The following ZMAT4 variants were observed in gnomAD, a reference collection of about 807,000 sequenced individuals.
ZMAT4 encodes the protein zinc finger matrin-type 4.
In ZMAT4, 17 loss-of-function variants were observed where a neutral mutation model predicts 28.7. The ratio of observed to expected loss-of-function variants is 0.59; its 90% CI spans 0.41 to 0.89. The LOEUF (loss-of-function observed/expected upper bound fraction) is 0.89, where lower values mean the gene tolerates loss of function less well. Ranked by LOEUF, ZMAT4 falls within the 40% of genes least tolerant of loss-of-function variation. The pLI is 0.00. For synonymous variants in ZMAT4, 117 were observed against 109.2 expected (o/e 1.07, Z -0.44); for missense variants, 240 against 283.8 (o/e 0.85, Z 1.11).
chr8:40,690,366 T>C (rs1055714920), intron 4 of ZMAT4, among the ~76,000 whole-genome samples: 3 of 152,184 alleles, frequency 2.0e-5, no homozygotes, highest in African/African-American at 7.2e-5. Context: ...CTTCCAGCTC[T>C]GCAAATCTGT....
chr8:40,652,633 C>T (rs1257084043), intron 5 of ZMAT4, among the ~76,000 whole-genome samples: 19 of 122,314 alleles, frequency 1.6e-4, no homozygotes, highest in African/African-American at 5.0e-4. Flanking sequence ...CACATGCACA[C>T]GTATGTTTAT....
intron 5 of ZMAT4, among the ~76,000 whole-genome samples, chr8:40,583,101 C>A (rs1804547837): frequency 6.6e-6 from 1 of 152,100 alleles, no homozygotes; most frequent in Non-Finnish European, 1.5e-5. Context: ...CCATGTGGGA[C>A]CGTGGAGTTC....
At chr8:40,717,708 CAAAAT>C (rs1407053591) in intron 3 of ZMAT4, among the ~76,000 whole-genome samples, 1 of 151,922 alleles carries the variant, frequency 6.6e-6, no homozygotes, top group African/African-American at 2.4e-5. Context: ...TAAATAAAAA[CAAAAT>C]AAAGCATTCA....
At chr8:40,632,090 A>G (rs530515104) in intron 5 of ZMAT4, among the ~76,000 whole-genome samples, 7 of 152,238 alleles carry the variant, frequency 4.6e-5, no homozygotes, top group African/African-American at 1.7e-4. Context: ...AGAGCCAAAA[A>G]TGTTTGTGAT....
intron 5 of ZMAT4, among the ~76,000 whole-genome samples, chr8:40,636,050 G>T (rs1806779987): frequency 6.6e-6 from 1 of 152,196 alleles, no homozygotes; most frequent in Non-Finnish European, 1.5e-5. Flanking sequence ...AAGGTGTGTT[G>T]TGCAGAACTG....
At chr8:40,758,483 A>G (rs945464369) in intron 3 of ZMAT4, among the ~76,000 whole-genome samples, 1 of 152,224 alleles carries the variant, frequency 6.6e-6, no homozygotes, top group African/African-American at 2.4e-5. Context: ...TTAAAGAACT[A>G]TGGCACGGTC....
At chr8:40,746,367 T>C (rs1812233256) in intron 3 of ZMAT4, among the ~76,000 whole-genome samples, 2 of 146,786 alleles carry the variant, frequency 1.4e-5, no homozygotes, top group Admixed American at 6.9e-5. Flanking sequence ...TTTCTTTCCT[T>C]TCTTTCTCTT....
chr8:40,705,030 C>T (rs182073231), intron 3 of ZMAT4, among the ~76,000 whole-genome samples: 53 of 152,236 alleles, frequency 3.5e-4, no homozygotes, highest in African/African-American at 1.2e-3. Context: ...ATACAAACTA[C>T]ACACTCTGTG....
At chr8:40,616,759 A>T (rs1806022921) in intron 5 of ZMAT4, among the ~76,000 whole-genome samples, 1 of 151,994 alleles carries the variant, frequency 6.6e-6, no homozygotes, top group African/African-American at 2.4e-5. Context: ...GGGAGGAGGG[A>T]TAGCATTAGG....
intron 6 of ZMAT4, among the ~76,000 whole-genome samples, chr8:40,545,503 T>C (rs1803172313): frequency 6.6e-6 from 1 of 152,144 alleles, no homozygotes; most frequent in African/African-American, 2.4e-5. Flanking sequence ...TCATTGTAGA[T>C]ATAATTAGTT....
chr8:40,781,709 C>A (rs1195926368), intron 2 of ZMAT4, among the ~76,000 whole-genome samples: 1 of 134,136 alleles, frequency 7.5e-6, no homozygotes, highest in African/African-American at 2.7e-5. Flanking sequence ...TTGCAGTGAG[C>A]CGAGATCCCG....
intron 5 of ZMAT4, among the ~76,000 whole-genome samples, chr8:40,609,630 T>A (rs1276239952): frequency 6.6e-6 from 1 of 152,188 alleles, no homozygotes; most frequent in Non-Finnish European, 1.5e-5. Context: ...CCAAAGCCCA[T>A]ATATGCCTCA....
At chr8:40,730,242 A>T (rs961158039) in intron 3 of ZMAT4, among the ~76,000 whole-genome samples, 14 of 152,316 alleles carry the variant, frequency 9.2e-5, no homozygotes, top group African/African-American at 3.4e-4. Context: ...GAAAACAGTC[A>T]TCTTTCCTGC....
chr8:40,580,255 G>T (rs184506697), intron 6 of ZMAT4, among the ~76,000 whole-genome samples: 20 of 151,930 alleles, frequency 1.3e-4, no homozygotes, highest in Non-Finnish European at 2.2e-4. Context: ...CTCCTGATCC[G>T]CCCACCTCAG....
At chr8:40,563,857 G>A (rs1803828584) in intron 6 of ZMAT4, among the ~76,000 whole-genome samples, 1 of 152,038 alleles carries the variant, frequency 6.6e-6, no homozygotes, top group Non-Finnish European at 1.5e-5. Flanking sequence ...CTGGGGTGAT[G>A]CTGGTAGGCT....
chr8:40,695,659 A>G (rs1380287985), intron 4 of ZMAT4, among the ~76,000 whole-genome samples: 1 of 151,872 alleles, frequency 6.6e-6, no homozygotes, highest in Non-Finnish European at 1.5e-5. Flanking sequence ...ATTACACTCG[A>G]GTTCTATTTC....
chr8:40,790,731 G>A (rs1205114271), intron 2 of ZMAT4, among the ~76,000 whole-genome samples: 1 of 152,180 alleles, frequency 6.6e-6, no homozygotes, highest in African/African-American at 2.4e-5. Flanking sequence ...CAGATTCCAT[G>A]CAATTCCAAT....
chr8:40,887,379 C>T (rs970951141), intron 1 of ZMAT4, among the ~76,000 whole-genome samples: 1 of 151,312 alleles, frequency 6.6e-6, no homozygotes, highest in Admixed American at 6.6e-5. Flanking sequence ...ATCCCAGCTA[C>T]TCGGGAGGCT....
At chr8:40,540,103 G>A (rs1452069929) in intron 6 of ZMAT4, among the ~76,000 whole-genome samples, 1 of 152,210 alleles carries the variant, frequency 6.6e-6, no homozygotes, top group Non-Finnish European at 1.5e-5. Context: ...TCAGCGTGAT[G>A]AGGGAGTATT....
Sources: gnomAD v4.1 joint callset for allele counts (sites outside exome capture counted in the v4.1 genomes callset) on GRCh38, gnomAD v4.1.1 for gene constraint, MANE v1.5 for transcripts, NCBI Gene and HGNC (gene_info 2026-07-23, HGNC 2026-07-21) for gene names.